Variants in DNAH10 observed in about 807,000 individuals in gnomAD.
DNAH10 encodes the protein dynein axonemal heavy chain 10.
Under a neutral mutation model 506.6 loss-of-function variants are expected in DNAH10, and 348 were observed. The ratio of observed to expected loss-of-function variants is 0.69; its 90% CI spans 0.63 to 0.75. The LOEUF (loss-of-function observed/expected upper bound fraction) is 0.75. Ranked by LOEUF, DNAH10 falls within the 30% of genes least tolerant of loss-of-function variation. The probability of loss-of-function intolerance (pLI) is 0.00; values close to 1 mark genes in which losing one functional copy is unlikely to be tolerated. For synonymous variants in DNAH10, 2,059 were observed against 2,198.6 expected (o/e 0.94, Z 1.78); for missense variants, 5,179 against 5,787.1 (o/e 0.89, Z 3.41).
At chr12:123,845,323 A>G (rs1467067296) in intron 30 of DNAH10, among the ~76,000 whole-genome samples, 1 of 152,198 alleles carries the variant, frequency 6.6e-6, no homozygotes, top group African/African-American at 2.4e-5. Context: ...GTGATCTGGC[A>G]TCTTTCTGTG....
At position 123,796,725 on chromosome 12, in the gene DNAH10, G is replaced by A. The variant is rs2136250413; in HGVS notation, c.2056G>A (p.Val686Ile). ...ACCACTGTATAAGAATCACCCTCCA[G>A]TAGCAGGTGCAATATACTGGGAACG... is the stretch of plus-strand genomic sequence containing the variant. ...NPPLYKNHPP[V>I]AGAIYWERSL... Residue 686 changes from valine (V) to isoleucine (I), a missense_variant, in exon 13 of 79, where the codon GTA becomes ATA. Physicochemically the swap from Val to Ile is conservative, Grantham distance 29 (BLOSUM62 3). This residue lies in a region of DNAH10 where 4,844 missense variants were observed against 5,430.5 expected (regional missense o/e 0.89). Coordinates refer to ENST00000673944, the MANE Select transcript of DNAH10 (RefSeq NM_001372106.1). The A allele has an allele frequency of 6.2e-7, 1 of 1,614,022 alleles. No homozygotes were observed. Among genetic ancestry groups the A allele is most frequent in the East Asian group, 2.2e-5 (1 of 44,878 alleles).
intron 12 of DNAH10, 88 bp downstream of exon 12, chr12:123,794,200 C>T: frequency 2.1e-6 from 2 of 961,118 alleles, no homozygotes; most frequent in Non-Finnish European, 2.5e-6. Flanking sequence ...CTGTCTTTCC[C>T]ATCTGAATTC....
intron 43 of DNAH10, 102 bp downstream of exon 43, chr12:123,868,221 C>T: frequency 9.2e-7 from 1 of 1,088,296 alleles, no homozygotes; most frequent in Non-Finnish European, 1.3e-6. Flanking sequence ...TATGAGTTTT[C>T]CAGATTGTTT....
chr12:123,910,940 C>G (rs973691256), intron 59 of DNAH10, among the ~76,000 whole-genome samples: 1 of 152,022 alleles, frequency 6.6e-6, no homozygotes, highest in Non-Finnish European at 1.5e-5. Context: ...GGCGTGGTAG[C>G]TCATGCCTGT....
chr12:123,786,012 T>A, intron 9 of DNAH10, 76 bp downstream of exon 9: 14 of 1,390,412 alleles, frequency 1.0e-5, no homozygotes, highest in Non-Finnish European at 1.4e-5. Context: ...ACAGCTCTAT[T>A]GAGCTATAAT....
intron 5 of DNAH10, among the ~76,000 whole-genome samples, chr12:123,776,185 G>T (rs1957431198): frequency 6.6e-6 from 1 of 152,060 alleles, no homozygotes. Context: ...CACATCAAGG[G>T]TGATGGTTAT....
intron 46 of DNAH10, 56 bp downstream of exon 46, chr12:123,873,766 A>C: frequency 6.5e-7 from 1 of 1,533,310 alleles, no homozygotes; most frequent in Non-Finnish European, 8.8e-7. Flanking sequence ...TTGTGTTTGC[A>C]TGGGTGTGTG....
intron 17 of DNAH10, 97 bp from the exon 18 acceptor site, chr12:123,804,735 TG>T (rs1239326718): frequency 1.4e-5 from 17 of 1,215,752 alleles, no homozygotes; most frequent in Non-Finnish European, 2.0e-5. Context: ...AGGCTGGTTT[TG>T]GTTTTTTTAA....
chr12:123,931,759 C>T lies in DNAH10; in HGVS notation c.13040C>T (p.Ser4347Phe). ...QVRKRLGTGLSPTSVVLLQEL... is the reference protein window; with the variant it reads ...QVRKRLGTGLFPTSVVLLQEL... Reference sequence around the variant, plus strand: ...AGGAAGCGCCTCGGAACAGGACTCTCCCCCACTTCGGTGGTGCTCCTGCAG... The same window carrying T: ...AGGAAGCGCCTCGGAACAGGACTCTTCCCCACTTCGGTGGTGCTCCTGCAG... The change falls in exon 75 of 79, where the codon TCC (serine) becomes TTC (phenylalanine). Residue 4347 changes from serine (S) to phenylalanine (F), a missense_variant. By Grantham distance (155) the Ser-to-Phe change is radical. Coordinates refer to ENST00000673944, the MANE Select transcript of DNAH10 (RefSeq NM_001372106.1). 6.2e-7 allele frequency: 1 copy of T among 1,614,042 alleles called. No homozygotes were observed. Among genetic ancestry groups the T allele is most frequent in the South Asian group, 1.1e-5 (1 of 91,084 alleles).
At position 123,928,141 on chromosome 12, in the gene DNAH10, A is replaced by G. The variant is rs1955028206; in HGVS notation, c.12106-246A>G. ...GGGACTTCCAGGGCCAGGGAGGCAG[A>G]TGAGTGCAAAATGCTCACCCATCTT... On this transcript the variant is annotated intron_variant, in intron 69 of 78. Coordinates refer to ENST00000673944, the MANE Select transcript of DNAH10 (RefSeq NM_001372106.1). The surrounding 1 kb of genome is among the most constrained non-coding windows in gnomAD (Gnocchi z 4.9). 1.7e-6 allele frequency: 1 copy of G among 585,336 alleles called. No individual in the cohort carries two copies. The highest frequency in any genetic ancestry group is 3.0e-5 in the Admixed American group (1 of 32,952). 36.3% of individuals were successfully genotyped at this position (585,336 alleles called of 1,614,324 possible). A position where few individuals can be genotyped will look rare whatever the true frequency, so the allele number is the denominator to read the frequency against.
intron 38 of DNAH10, among the ~76,000 whole-genome samples, chr12:123,860,789 A>G (rs1951580361): frequency 6.6e-6 from 1 of 152,234 alleles, no homozygotes; most frequent in South Asian, 2.1e-4. Flanking sequence ...CTTCTAGTTC[A>G]GACTTCATTT....
chr12:123,892,060 C>G (rs904839319), intron 52 of DNAH10, among the ~76,000 whole-genome samples: 1 of 152,260 alleles, frequency 6.6e-6, no homozygotes, highest in African/African-American at 2.4e-5. Context: ...GCCAAAATCC[C>G]GGATGCCCGG....
At chr12:123,803,489 C>G (rs528476905) in intron 16 of DNAH10, among the ~76,000 whole-genome samples, 172 bp from the exon 17 acceptor site, 3 of 152,286 alleles carry the variant, frequency 2.0e-5, no homozygotes, top group Admixed American at 2.0e-4. Context: ...CTCCTTGTCC[C>G]AGTCCCTTAG....
At chr12:123,888,067 C>T (rs1367430327) in intron 52 of DNAH10, among the ~76,000 whole-genome samples, 2 of 152,128 alleles carry the variant, frequency 1.3e-5, no homozygotes, top group South Asian at 2.1e-4. Context: ...AAGAAGTTAG[C>T]CAGGCATGAT....
intron 7 of DNAH10, among the ~76,000 whole-genome samples, chr12:123,783,514 C>G (rs1957739646): frequency 6.6e-6 from 1 of 152,208 alleles, no homozygotes; most frequent in Non-Finnish European, 1.5e-5. Context: ...CTGCCAAAAA[C>G]AGGAAACCCA....
In DNAH10 at chr12:123,875,382, A is replaced by G. The variant is rs1294547542; in HGVS notation, c.8090A>G (p.Asn2697Ser). 28 of 1,613,930 alleles carry G rather than the reference A, an allele frequency of 1.7e-5. 1 individual carries two copies. Among genetic ancestry groups the G allele is most frequent in the East Asian group, 2.2e-5 (1 of 44,898 alleles). Residue 2697 changes from asparagine to serine, a missense_variant, in exon 47 of 79, where the codon AAT becomes AGT. By Grantham distance (46) the Asn-to-Ser change is conservative. Transcript: ENST00000673944. ...ATGGGAAAGGCTGGAGGAGGCCGCA[A>G]TGAAGTTGACCCAAGATTTATTTCG... ...AAMGKAGGGR[N>S]EVDPRFISLF...
At chr12:123,764,608 G>A (rs910535594) in intron 1 of DNAH10, among the ~76,000 whole-genome samples, 1 of 152,194 alleles carries the variant, frequency 6.6e-6, no homozygotes, top group African/African-American at 2.4e-5. Context: ...TTACTAGCAC[G>A]TGTTTAGCCC....
intron 52 of DNAH10, among the ~76,000 whole-genome samples, 174 bp downstream of exon 52, chr12:123,887,487 T>C (rs539111227): frequency 6.6e-5 from 10 of 152,284 alleles, no homozygotes; most frequent in African/African-American, 2.4e-4. Context: ...TGGCTCCTCC[T>C]GTCCTGGAGT....
In DNAH10 at chr12:123,926,737, A is replaced by G; in HGVS notation, c.12022A>G (p.Thr4008Ala). The change falls in exon 69 of 79, where the codon ACT (threonine) becomes GCT (alanine). Residue 4008 changes from threonine (T) to alanine (A), a missense_variant. Coordinates refer to ENST00000673944, the MANE Select transcript of DNAH10 (RefSeq NM_001372106.1). The surrounding 1 kb of genome is among the most constrained non-coding windows in gnomAD (Gnocchi z 4.1). The stretch of plus-strand genomic sequence containing the variant: ...CCTGAGTCCTGGCTCCGACCCTGCC[A>G]CTGATCTTATGAAATTAGCAGAGCG... ...FILSPGSDPA[T>A]DLMKLAERSG... The G allele has an allele frequency of 6.2e-7, 1 of 1,614,014 alleles. No individual in the cohort carries two copies. Among genetic ancestry groups the G allele is most frequent in the Non-Finnish European group, 8.5e-7 (1 of 1,179,888 alleles).
Sources: gnomAD v4.1 joint callset for allele counts (sites outside exome capture counted in the v4.1 genomes callset) on GRCh38, gnomAD v4.1.1 for gene constraint, gnomAD v4.1.1 regional missense constraint, Gnocchi (gnomAD v3.1) non-coding constraint, MANE v1.5 for transcripts, NCBI Gene and HGNC (gene_info 2026-07-23, HGNC 2026-07-21) for gene names.